SEMA3A: variants seen among roughly 807,000 people sequenced by gnomAD.
SEMA3A encodes semaphorin 3A.
A neutral mutation model predicts 97.9 loss-of-function variants in SEMA3A; 29 were observed. That is an observed-to-expected ratio of 0.30 (90% confidence interval 0.22 to 0.40). The LOEUF (loss-of-function observed/expected upper bound fraction) is 0.40. Ranked by LOEUF, SEMA3A falls within the 10% of genes least tolerant of loss-of-function variation. The pLI is 1.00. For missense variants in SEMA3A, 763 were observed against 951.3 expected (o/e 0.80, Z 2.60); for synonymous variants, 321 against 323.7 (o/e 0.99, Z 0.09).
chr7:84,039,559 T>G (rs948446802), intron 6 of SEMA3A, among the ~76,000 whole-genome samples: 10 of 152,070 alleles, frequency 6.6e-5, no homozygotes, highest in Non-Finnish European at 1.3e-4. Context: ...TTGAGTATGG[T>G]AGAGTTTAAT....
At chr7:84,492,232 C>T (rs1806752481) in intron 1 of SEMA3A, among the ~76,000 whole-genome samples, 1 of 152,044 alleles carries the variant, frequency 6.6e-6, no homozygotes, top group Non-Finnish European at 1.5e-5. Context: ...ATTATTAGCA[C>T]CACATTTCAG....
Position 84,320,849 on chromosome 7 carries a change from T to C in SEMA3A, c.-168-13557A>G, listed in dbSNP as rs981075454. On this transcript the variant is annotated intron_variant, in intron 2 of 3. Coordinates refer to the SEMA3A transcript ENST00000424555. The stretch of plus-strand genomic sequence containing the variant: ...CAGGTTGTCTAATCTCTCTGTGCCT[T>C]CCTTCTTTCTTTAGTAAAATGAGTA... 3.3e-5 allele frequency among the ~76,000 whole-genome samples: 5 copies of C among 152,168 alleles called. 1 individual carries two copies. Among genetic ancestry groups the C allele is most frequent in the Admixed American group, 2.6e-4 (4 of 15,284 alleles).
At chr7:84,451,766 CA>C (rs1470467704) in intron 1 of SEMA3A, among the ~76,000 whole-genome samples, 1 of 152,134 alleles carries the variant, frequency 6.6e-6, no homozygotes, top group Non-Finnish European at 1.5e-5. Flanking sequence ...GTTCATGTTT[CA>C]TTGGACACTT....
chr7:84,194,449 C>T (rs776793566), intron 1 of SEMA3A, 26 bp downstream of exon 1: 52 of 1,486,758 alleles, frequency 3.5e-5, no homozygotes, highest in Non-Finnish European at 4.5e-5. Flanking sequence ...ACAAAGCTAA[C>T]CAAATAAAAG....
intron 2 of SEMA3A, among the ~76,000 whole-genome samples, chr7:84,334,030 C>T (rs1294663380): frequency 6.6e-6 from 1 of 152,070 alleles, no homozygotes; most frequent in Non-Finnish European, 1.5e-5. Context: ...GTTTCATTTT[C>T]TTACAATTGA....
At position 83,960,156 on chromosome 7, in the gene SEMA3A, A is replaced by G. The variant is rs1004219856; in HGVS notation, c.*1215T>C. The G allele has an allele frequency of 6.6e-6, 1 of 152,120 alleles. No homozygotes were observed. Among genetic ancestry groups the G allele is most frequent in the Non-Finnish European group, 1.5e-5 (1 of 67,974 alleles). The allele number at this position is 152,120 out of a possible 1,614,324, so 9.4% of individuals were successfully genotyped here. A position where few individuals can be genotyped will look rare whatever the true frequency, so the allele number is the denominator to read the frequency against. The stretch of plus-strand genomic sequence containing the variant: ...TTATTGATCTCTCTCTTTTAAAAAA[A>G]TTAAGTGACACAGATATAATTCTTG... On this transcript the variant is annotated 3_prime_UTR_variant, in exon 17 of 17. Transcript: ENST00000265362.
At chr7:84,088,377 C>T (rs868384251) in intron 4 of SEMA3A, among the ~76,000 whole-genome samples, 10 of 151,830 alleles carry the variant, frequency 6.6e-5, no homozygotes, top group Admixed American at 2.6e-4. Flanking sequence ...TCGCTTGAAC[C>T]CGAGAGGCAG....
chr7:84,456,213 T>C (rs199867218), intron 1 of SEMA3A, among the ~76,000 whole-genome samples: 6 of 151,916 alleles, frequency 3.9e-5, no homozygotes, highest in East Asian at 1.9e-4. Flanking sequence ...TCTGTGCTTA[T>C]AAAGAAATGC....
intron 2 of SEMA3A, among the ~76,000 whole-genome samples, chr7:84,361,835 G>A (rs62472622): frequency 6.6e-6 from 1 of 151,940 alleles, no homozygotes; most frequent in Non-Finnish European, 1.5e-5. Context: ...AGAGGAGACG[G>A]TGTCCTTCAT....
chr7:84,090,107 A>G (rs1190052126), intron 4 of SEMA3A, among the ~76,000 whole-genome samples: 1 of 152,158 alleles, frequency 6.6e-6, no homozygotes, highest in Non-Finnish European at 1.5e-5. Context: ...TAACAAAATA[A>G]GACAAAATAT....
At chr7:84,424,553 TTATATATAA>T (rs1804706477) in intron 1 of SEMA3A, among the ~76,000 whole-genome samples, 1 of 79,150 alleles carries the variant, frequency 1.3e-5, no homozygotes, top group Non-Finnish European at 1.9e-5. Flanking sequence ...TTAATATATA[TTATATATAA>T]TATATAAATA....
chr7:84,264,964 A>C (rs1799953446), intron 3 of SEMA3A, among the ~76,000 whole-genome samples: 2 of 152,142 alleles, frequency 1.3e-5, no homozygotes, highest in South Asian at 4.1e-4. Context: ...TCTCCCAGTC[A>C]TCAGTCTGCT....
chr7:84,321,872 G>GGAAAA (rs1313442553), intron 2 of SEMA3A, among the ~76,000 whole-genome samples: 3 of 12,058 alleles, frequency 2.5e-4, no homozygotes, highest in Admixed American at 1.2e-3. Flanking sequence ...CGAGACTACG[G>GGAAAA]AAAAAAAAAA....
At chr7:84,063,669 G>A (rs1304651138) in intron 4 of SEMA3A, among the ~76,000 whole-genome samples, 1 of 151,644 alleles carries the variant, frequency 6.6e-6, no homozygotes, top group African/African-American at 2.4e-5. Flanking sequence ...AAGGGTATCA[G>A]CGATGGAAGA....
chr7:84,356,316 C>T (rs1802560118), intron 2 of SEMA3A, among the ~76,000 whole-genome samples: 1 of 151,468 alleles, frequency 6.6e-6, no homozygotes, highest in South Asian at 2.1e-4. Flanking sequence ...TTTATTATAA[C>T]TAAATGCAAA....
At chr7:84,410,157 CTTATG>C (rs1463834984) in intron 1 of SEMA3A, among the ~76,000 whole-genome samples, 6 of 152,130 alleles carry the variant, frequency 3.9e-5, no homozygotes, top group African/African-American at 1.4e-4. Flanking sequence ...ATTGTTTCAT[CTTATG>C]TTATGTAACT....
intron 2 of SEMA3A, among the ~76,000 whole-genome samples, chr7:84,370,830 G>T (rs942386126): frequency 3.3e-5 from 5 of 151,442 alleles, no homozygotes; most frequent in African/African-American, 1.2e-4. Context: ...AGTTAATATA[G>T]CATGTTCTAA....
chr7:84,302,878 T>C (rs567825536), intron 3 of SEMA3A, among the ~76,000 whole-genome samples: 1 of 152,268 alleles, frequency 6.6e-6, no homozygotes, highest in South Asian at 2.1e-4. Flanking sequence ...TTTCTTAATG[T>C]AAACACTGAG....
At chr7:84,444,273 T>A (rs1421445624) in intron 1 of SEMA3A, among the ~76,000 whole-genome samples, 2 of 152,192 alleles carry the variant, frequency 1.3e-5, no homozygotes, top group Non-Finnish European at 2.9e-5. Context: ...AGGATCTTAA[T>A]CCCACTTGTT....
Sources: gnomAD v4.1 joint callset for allele counts (sites outside exome capture counted in the v4.1 genomes callset) on GRCh38, gnomAD v4.1.1 for gene constraint, MANE v1.5 for transcripts, NCBI Gene and HGNC (gene_info 2026-07-23, HGNC 2026-07-21) for gene names.